The following PCDH15 variants were observed in gnomAD, a reference collection of about 807,000 sequenced individuals.
The protein encoded by PCDH15 is protocadherin-15.
PCDH15 carries 129 observed loss-of-function variants against 178.5 expected under a neutral mutation model. The ratio of observed to expected loss-of-function variants is 0.72; its 90% CI spans 0.63 to 0.84. The LOEUF is 0.84. Ranked by LOEUF, PCDH15 falls within the 40% of genes least tolerant of loss-of-function variation. The pLI is 0.00. For synonymous variants in PCDH15, 800 were observed against 732.0 expected, an observed-to-expected ratio of 1.09 and a Z score of -1.50; for missense variants, 2,230 against 2,099.9, an observed-to-expected ratio of 1.06 and a Z score of -1.21.
At chr10:55,011,361 A>G (rs1009456267) in intron 2 of PCDH15, among the ~76,000 whole-genome samples, 2 of 152,148 alleles carry the variant, frequency 1.3e-5, no homozygotes, top group African/African-American at 4.8e-5. Context: ...AAGCTGCTTA[A>G]GAAATTATGA....
intron 1 of PCDH15, among the ~76,000 whole-genome samples, chr10:55,264,367 C>A (rs1427261794): frequency 6.6e-6 from 1 of 152,038 alleles, no homozygotes; most frequent in Non-Finnish European, 1.5e-5. Flanking sequence ...ATGGCATAAA[C>A]AGGCCCAGGG....
chr10:54,901,794 TA>T (rs1265525664), intron 2 of PCDH15, among the ~76,000 whole-genome samples: 3 of 152,080 alleles, frequency 2.0e-5, no homozygotes, highest in African/African-American at 7.2e-5. Flanking sequence ...TTTGAGCAAA[TA>T]AAAGTGAAAT....
At chr10:54,949,145 T>A (rs1051378761) in intron 2 of PCDH15, among the ~76,000 whole-genome samples, 3 of 151,960 alleles carry the variant, frequency 2.0e-5, no homozygotes, top group African/African-American at 7.2e-5. Flanking sequence ...CCTAACTTTA[T>A]GTATTAGTCC....
intron 2 of PCDH15, among the ~76,000 whole-genome samples, chr10:54,571,333 G>GAAAAAAAAAAAAAAAAAAAAAA (rs60604711): frequency 7.8e-6 from 1 of 128,574 alleles, no homozygotes; most frequent in African/African-American, 3.0e-5. Flanking sequence ...GACAAAATTT[G>GAAAAAAAAAAAAAAAAAAAAAA]AAAAAAAAAA....
At chr10:53,999,181 T>C (rs1300672985) in intron 20 of PCDH15, among the ~76,000 whole-genome samples, 1 of 152,188 alleles carries the variant, frequency 6.6e-6, no homozygotes, top group Non-Finnish European at 1.5e-5. Context: ...TAGTTGTTTC[T>C]GTCTTATGGT....
chr10:54,187,791 A>G (rs2048611666), intron 11 of PCDH15, among the ~76,000 whole-genome samples: 1 of 151,944 alleles, frequency 6.6e-6, no homozygotes, highest in South Asian at 2.1e-4. Flanking sequence ...TTAAAATAAT[A>G]ATCTTGTACA....
At chr10:55,186,184 A>G (rs1310012396) in intron 1 of PCDH15, among the ~76,000 whole-genome samples, 1 of 151,616 alleles carries the variant, frequency 6.6e-6, no homozygotes, top group Non-Finnish European at 1.5e-5. Flanking sequence ...AATATAATGC[A>G]AATGATTTTA....
chr10:55,004,651 A>T (rs1365098140), intron 2 of PCDH15, among the ~76,000 whole-genome samples: 1 of 152,030 alleles, frequency 6.6e-6, no homozygotes, highest in Non-Finnish European at 1.5e-5. Context: ...CTCCTATATA[A>T]ACCACTAAAT....
chr10:53,844,843 G>T (rs1274574491), intron 28 of PCDH15, among the ~76,000 whole-genome samples: 2 of 151,832 alleles, frequency 1.3e-5, no homozygotes, highest in African/African-American at 4.8e-5. Flanking sequence ...AGACTCCAAA[G>T]AAATATAAAT....
At chr10:54,167,974 ACT>A (rs199768002) in intron 13 of PCDH15, among the ~76,000 whole-genome samples, 3,598 of 142,796 alleles carry the variant, frequency 0.025, 56 homozygotes, top group Middle Eastern at 0.058. Context: ...CTGTTTCCCT[ACT>A]CTCTCTTTTC....
chr10:55,217,707 ACT>A (rs1321521667), intron 1 of PCDH15, among the ~76,000 whole-genome samples: 1 of 151,940 alleles, frequency 6.6e-6, no homozygotes, highest in Non-Finnish European at 1.5e-5. Flanking sequence ...ATTACAAGAT[ACT>A]TCTGTTAAAT....
Position 54,359,896 on chromosome 10 carries a change from G to T in PCDH15, c.474+9224C>A, listed in dbSNP as rs530083103. On this transcript the variant is annotated intron_variant, in intron 5 of 37. Transcript: ENST00000644397. ...TGCAGTAGGTATTGATGAAAGATAT[G>T]ATTATGTCATGTTAGGAGAAACAAG... Among the ~76,000 whole-genome samples the T allele has an allele frequency of 9.9e-5, 15 of 152,158 alleles. No individual in the cohort carries two copies. In the South Asian group the frequency reaches 1.0e-3, roughly 11 times the overall value.
intron 2 of PCDH15, among the ~76,000 whole-genome samples, chr10:54,648,473 A>G (rs2094182178): frequency 6.6e-6 from 1 of 152,168 alleles, no homozygotes; most frequent in African/African-American, 2.4e-5. Context: ...TGTCTGCTAT[A>G]TACACAACAG....
intron 3 of PCDH15, among the ~76,000 whole-genome samples, chr10:54,446,726 A>G (rs1450043263): frequency 2.6e-5 from 4 of 151,474 alleles, no homozygotes; most frequent in Non-Finnish European, 4.4e-5. Context: ...AGATTTTAGT[A>G]TCTCAGCATT....
At chr10:54,594,742 T>C (rs144213925) in intron 2 of PCDH15, among the ~76,000 whole-genome samples, 289 of 152,312 alleles carry the variant, frequency 1.9e-3, no homozygotes, top group African/African-American at 6.5e-3. Context: ...TGCCATGCCA[T>C]GCCACTATTG....
intron 2 of PCDH15, among the ~76,000 whole-genome samples, chr10:55,143,703 G>A (rs1172148940): frequency 6.6e-6 from 1 of 151,986 alleles, no homozygotes; most frequent in Non-Finnish European, 1.5e-5. Context: ...TAATTGCATA[G>A]CACTTTTTGA....
intron 2 of PCDH15, among the ~76,000 whole-genome samples, chr10:55,022,981 G>T (rs551953924): frequency 7.0e-6 from 1 of 142,920 alleles, no homozygotes; most frequent in Non-Finnish European, 1.5e-5. Flanking sequence ...TTGCTCTGTC[G>T]CCCAGGCTGG....
At chr10:55,545,569 C>T (rs1589128372) in intron 2 of PCDH15, among the ~76,000 whole-genome samples, 1 of 151,582 alleles carries the variant, frequency 6.6e-6, no homozygotes, top group East Asian at 2.0e-4. Context: ...CGCTGCCACA[C>T]CTGGCTAATT....
At chr10:54,141,996 G>T (rs2133189186) in intron 14 of PCDH15, among the ~76,000 whole-genome samples, 1 of 152,022 alleles carries the variant, frequency 6.6e-6, no homozygotes, top group African/African-American at 2.4e-5. Flanking sequence ...GCTGATATTT[G>T]CATTTGCCAT....
Sources: gnomAD v4.1 joint callset for allele counts (sites outside exome capture counted in the v4.1 genomes callset) on GRCh38, gnomAD v4.1.1 for gene constraint, MANE v1.5 for transcripts, NCBI Gene and HGNC (gene_info 2026-07-23, HGNC 2026-07-21) for gene names.